Variants in ACTR3C observed in about 807,000 individuals in gnomAD.
ACTR3C encodes actin-related protein 3C.
In ACTR3C, 18 loss-of-function variants were observed where a neutral mutation model predicts 26.3. The ratio of observed to expected loss-of-function variants is 0.68; its 90% confidence interval spans 0.47 to 1.01. The LOEUF (loss-of-function observed/expected upper bound fraction) is 1.01, where lower values mean the gene tolerates loss of function less well. Ranked by LOEUF, ACTR3C falls within the 50% of genes least tolerant of loss-of-function variation. ACTR3C has a pLI of 0.00. For synonymous variants in ACTR3C, 55 were observed against 94.5 expected, an observed-to-expected ratio of 0.58 and a Z score of 2.42; for missense variants, 184 against 250.7, an observed-to-expected ratio of 0.73 and a Z score of 1.80.
chr7:149,981,513 G>T, the ACTR3C span, among the ~76,000 whole-genome samples: 2 of 149,728 alleles, frequency 1.3e-5, no homozygotes. Context: ...TGGCTTTGAG[G>T]TTCATAATGG....
chr7:150,323,433 C>G (rs1012732928), intron 1 of ACTR3C, 36 bp downstream of exon 1: 5 of 344,046 alleles, frequency 1.5e-5, no homozygotes, highest in Non-Finnish European at 2.8e-5. Flanking sequence ...GGGTCAGGGG[C>G]CGCCAGGCGG....
the ACTR3C span, among the ~76,000 whole-genome samples, chr7:150,116,184 C>T: frequency 6.6e-6 from 1 of 152,322 alleles, no homozygotes; most frequent in Admixed American, 6.5e-5. Flanking sequence ...ATCTCCCTCT[C>T]CTAATTCAGC....
At chr7:149,926,827 CA>C in the ACTR3C span, among the ~76,000 whole-genome samples, 101 of 151,832 alleles carry the variant, frequency 6.7e-4, no homozygotes, top group Non-Finnish European at 1.1e-3. Context: ...AGCAAAAGAC[CA>C]AAACCCCAGA....
At chr7:150,057,916 G>A in the ACTR3C span, among the ~76,000 whole-genome samples, 89 of 152,300 alleles carry the variant, frequency 5.8e-4, 1 homozygote, top group Admixed American at 2.9e-3. Context: ...CATTGAAGTC[G>A]TTGGTCTTTG....
chr7:150,158,944 GGCACACACAGGTACACACGTGC>G, the ACTR3C span, among the ~76,000 whole-genome samples: 2 of 143,686 alleles, frequency 1.4e-5, no homozygotes. Flanking sequence ...CAGACACACG[GGCACACACAGGTACACACGTGC>G]GCACACACAG....
the ACTR3C span, among the ~76,000 whole-genome samples, chr7:150,236,534 A>G: frequency 6.6e-6 from 1 of 152,220 alleles, no homozygotes; most frequent in African/African-American, 2.4e-5. Flanking sequence ...TAGGCACATC[A>G]TGTAAAGTAA....
the ACTR3C span, among the ~76,000 whole-genome samples, chr7:150,076,227 A>G: frequency 6.6e-6 from 1 of 151,860 alleles, no homozygotes; most frequent in African/African-American, 2.4e-5. Flanking sequence ...AAAAAAAAAA[A>G]CTGATCATCT....
the ACTR3C span, among the ~76,000 whole-genome samples, chr7:150,101,120 T>C: frequency 1.4e-4 from 21 of 151,558 alleles, 1 homozygote; most frequent in African/African-American, 4.4e-4. Flanking sequence ...CTACCTCCAT[T>C]CAGAGGAACA....
At chr7:150,041,500 C>G in the ACTR3C span, 3 of 209,456 alleles carry the variant, frequency 1.4e-5, no homozygotes, top group East Asian at 2.5e-4. Context: ...ATGGGGGGTC[C>G]TAAGCCAGGG....
chr7:149,932,981 A>C, the ACTR3C span, among the ~76,000 whole-genome samples: 3 of 150,056 alleles, frequency 2.0e-5, no homozygotes, highest in Non-Finnish European at 4.4e-5. Context: ...GGGTGTTTCC[A>C]CTTGGAAGTC....
chr7:150,117,717 C>T, the ACTR3C span, among the ~76,000 whole-genome samples: 1 of 152,240 alleles, frequency 6.6e-6, no homozygotes, highest in African/African-American at 2.4e-5. Flanking sequence ...TCTCCCAGCA[C>T]AGTGCTCAAG....
At chr7:150,159,842 A>C in the ACTR3C span, among the ~76,000 whole-genome samples, 5 of 152,032 alleles carry the variant, frequency 3.3e-5, no homozygotes, top group Admixed American at 2.6e-4. Context: ...TCTGTGGCCC[A>C]GGCTCACAGA....
chr7:150,035,583 G>A, the ACTR3C span, among the ~76,000 whole-genome samples: 1 of 128,990 alleles, frequency 7.8e-6, no homozygotes, highest in East Asian at 2.2e-4. Context: ...AAGAGGGACT[G>A]GCTCTCAGTA....
At chr7:150,042,743 AG>A in the ACTR3C span, among the ~76,000 whole-genome samples, 1 of 151,584 alleles carries the variant, frequency 6.6e-6, no homozygotes, top group Non-Finnish European at 1.5e-5. Context: ...GCCCTCTAAT[AG>A]GGGGGCCATC....
the ACTR3C span, among the ~76,000 whole-genome samples, chr7:149,956,069 C>T: frequency 2.6e-5 from 4 of 152,286 alleles, no homozygotes; most frequent in South Asian, 8.3e-4. Context: ...TATATCCTCC[C>T]TACTTCCAAA....
the ACTR3C span, among the ~76,000 whole-genome samples, chr7:150,196,042 C>T: frequency 6.6e-6 from 1 of 152,198 alleles, no homozygotes; most frequent in Non-Finnish European, 1.5e-5. Context: ...AGCAATTGAA[C>T]ATGGTATGCT....
the ACTR3C span, among the ~76,000 whole-genome samples, chr7:150,169,445 A>G: frequency 4.3e-4 from 64 of 149,472 alleles, 1 homozygote; most frequent in East Asian, 6.0e-3. Flanking sequence ...CCCTCTCTCT[A>G]CCTTATGAGG....
At chr7:149,914,882 CTTTTT>C in the ACTR3C span, among the ~76,000 whole-genome samples, 3 of 131,056 alleles carry the variant, frequency 2.3e-5, no homozygotes, top group Non-Finnish European at 3.3e-5. Flanking sequence ...AAATTTAATT[CTTTTT>C]TTTTTTTTTT....
At chr7:150,294,558 G>T (rs1287415679) in intron 2 of ACTR3C, among the ~76,000 whole-genome samples, 2 of 152,194 alleles carry the variant, frequency 1.3e-5, no homozygotes, top group Non-Finnish European at 2.9e-5. Context: ...TTCGACACAG[G>T]AATGCTCAGA....
Sources: gnomAD v4.1 joint callset for allele counts (sites outside exome capture counted in the v4.1 genomes callset) on GRCh38, gnomAD v4.1.1 for gene constraint, MANE v1.5 for transcripts, NCBI Gene and HGNC (gene_info 2026-07-23, HGNC 2026-07-21) for gene names.